Variants in MLLT10 observed in about 807,000 individuals in gnomAD.
The protein encoded by MLLT10 is MLLT10 histone lysine methyltransferase DOT1L cofactor.
MLLT10 carries 30 observed loss-of-function variants against 129.1 expected under a neutral mutation model. The ratio of observed to expected loss-of-function variants is 0.23; its 90% CI spans 0.17 to 0.32. The LOEUF (loss-of-function observed/expected upper bound fraction) is 0.32, where lower values mean the gene tolerates loss of function less well. MLLT10 is among the 10% of genes least tolerant of loss of function. The probability of loss-of-function intolerance (pLI) is 1.00; values close to 1 mark genes in which losing one functional copy is unlikely to be tolerated. For synonymous variants in MLLT10, 490 were observed against 446.4 expected (o/e 1.10, Z -1.23); for missense variants, 1,119 against 1,268.3 (o/e 0.88, Z 1.79).
intron 16 of MLLT10, among the ~76,000 whole-genome samples, chr10:21,730,653 C>G (rs1478769095): frequency 6.6e-6 from 1 of 151,998 alleles, no homozygotes; most frequent in Non-Finnish European, 1.5e-5. Context: ...TTTATATTTT[C>G]TAGTGGTTTT....
At chr10:21,665,809 A>C (rs1007255549) in intron 9 of MLLT10, among the ~76,000 whole-genome samples, 4 of 151,774 alleles carry the variant, frequency 2.6e-5, no homozygotes, top group African/African-American at 9.7e-5. Context: ...GCTCACGGCA[A>C]CCTCTGCCTC....
chr10:21,664,828 T>C (rs2050588576), intron 9 of MLLT10, among the ~76,000 whole-genome samples: 1 of 152,170 alleles, frequency 6.6e-6, no homozygotes, highest in Admixed American at 6.5e-5. Context: ...ATCTACTGGC[T>C]GATATTAATA....
At chr10:21,715,600 T>C (rs367723946) in intron 14 of MLLT10, among the ~76,000 whole-genome samples, 15 of 152,256 alleles carry the variant, frequency 9.9e-5, no homozygotes, top group African/African-American at 3.6e-4. Flanking sequence ...TTTCTGTCTT[T>C]ATAAAAGTCT....
chr10:21,682,331 A>C, intron 13 of MLLT10, 74 bp downstream of exon 13: 1 of 1,360,652 alleles, frequency 7.3e-7, no homozygotes. Flanking sequence ...TCTCGATTGA[A>C]AGCTAGCATG....
intron 8 of MLLT10, among the ~76,000 whole-genome samples, chr10:21,646,878 C>A (rs531643139): frequency 7.0e-6 from 1 of 142,066 alleles, no homozygotes; most frequent in Non-Finnish European, 1.5e-5. Context: ...TTTTCTGAGA[C>A]GGAGTCTCGC....
At chr10:21,599,462 G>T (rs1474241883) in intron 5 of MLLT10, among the ~76,000 whole-genome samples, 2 of 152,082 alleles carry the variant, frequency 1.3e-5, no homozygotes, top group African/African-American at 4.8e-5. Flanking sequence ...TATGCTCATG[G>T]TAACTTCTCC....
chr10:21,577,967 C>T (rs1299365724), intron 3 of MLLT10, among the ~76,000 whole-genome samples: 1 of 152,026 alleles, frequency 6.6e-6, no homozygotes, highest in African/African-American at 2.4e-5. Context: ...GATATCTTGG[C>T]TCACGGCAAC....
At chr10:21,732,616 G>A (rs2058057416) in intron 17 of MLLT10, among the ~76,000 whole-genome samples, 1 of 152,122 alleles carries the variant, frequency 6.6e-6, no homozygotes, top group South Asian at 2.1e-4. Flanking sequence ...CATTGAGAAT[G>A]GAAAATTACC....
intron 3 of MLLT10, among the ~76,000 whole-genome samples, chr10:21,565,373 T>C (rs1203659903): frequency 6.6e-6 from 1 of 152,202 alleles, no homozygotes; most frequent in Admixed American, 6.6e-5. Context: ...AGTGGTGTCA[T>C]CTTGGTTCAC....
intron 14 of MLLT10, among the ~76,000 whole-genome samples, chr10:21,715,805 G>GA (rs2056507067): frequency 6.6e-6 from 1 of 152,168 alleles, no homozygotes; most frequent in African/African-American, 2.4e-5. Context: ...AGTAACCCAG[G>GA]ATTCAGTTCA....
chr10:21,595,164 G>A (rs1218765039), intron 4 of MLLT10, among the ~76,000 whole-genome samples, 167 bp from the exon 5 acceptor site: 1 of 151,982 alleles, frequency 6.6e-6, no homozygotes, highest in South Asian at 2.1e-4. Context: ...TTTTGGTAGT[G>A]GTTTGAGTAT....
intron 8 of MLLT10, among the ~76,000 whole-genome samples, chr10:21,649,904 G>T (rs1483693811): frequency 1.3e-5 from 2 of 152,202 alleles, no homozygotes; most frequent in African/African-American, 4.8e-5. Flanking sequence ...ATAACCCGTT[G>T]CAGAGAATAT....
At chr10:21,625,709 T>C in intron 8 of MLLT10, 2 of 767,870 alleles carry the variant, frequency 2.6e-6, no homozygotes, top group Non-Finnish European at 4.9e-6. Context: ...AAAAGTCTGT[T>C]GTTTGCCACA....
intron 3 of MLLT10, among the ~76,000 whole-genome samples, chr10:21,566,843 C>T (rs1445805958): frequency 3.3e-5 from 5 of 150,320 alleles, no homozygotes; most frequent in African/African-American, 2.5e-5. Context: ...TACGAAGTTT[C>T]GCTCTTGTTG....
chr10:21,696,193 TA>T (rs1256449698), intron 13 of MLLT10, among the ~76,000 whole-genome samples: 4 of 152,094 alleles, frequency 2.6e-5, no homozygotes, highest in African/African-American at 9.6e-5. Flanking sequence ...AGTATGTATT[TA>T]TTTTTTTGAT....
At position 21,649,754 on chromosome 10, in the gene MLLT10, A is replaced by T. The variant is rs557957409; in HGVS notation, c.700-1919A>T. 2.0e-5 allele frequency among the ~76,000 whole-genome samples: 3 copies of T among 152,312 alleles called. No homozygotes were observed. The South Asian group carries it at 6.2e-4, about 32-fold the overall frequency. ...AACTGAGGTGGCAGAGGTGGAAGCCATGAAGACTTCTTAAACCTCCAGGTT... is the reference window on the plus strand; with the variant it reads ...AACTGAGGTGGCAGAGGTGGAAGCCTTGAAGACTTCTTAAACCTCCAGGTT... On this transcript the variant is annotated intron_variant, in intron 8 of 22. Coordinates refer to ENST00000307729, the MANE Select transcript of MLLT10 (RefSeq NM_001195626.3).
At chr10:21,675,035 G>C (rs1228865355) in intron 11 of MLLT10, among the ~76,000 whole-genome samples, 2 of 152,180 alleles carry the variant, frequency 1.3e-5, no homozygotes, top group Admixed American at 1.3e-4. Flanking sequence ...GTAAAGGTCA[G>C]ATGTGAGAAA....
At chr10:21,582,861 A>T (rs1449897057) in intron 3 of MLLT10, among the ~76,000 whole-genome samples, 7 of 152,244 alleles carry the variant, frequency 4.6e-5, no homozygotes, top group Admixed American at 4.6e-4. Context: ...TTTTGTCATA[A>T]ATTGTGGAGC....
intron 2 of MLLT10, among the ~76,000 whole-genome samples, chr10:21,538,475 AT>A (rs34382354): frequency 4.8e-4 from 70 of 146,366 alleles, no homozygotes; most frequent in African/African-American, 1.2e-3. Context: ...ATTAAAAAAA[AT>A]TTTTTTTTTT....
Sources: gnomAD v4.1 joint callset for allele counts (sites outside exome capture counted in the v4.1 genomes callset) on GRCh38, gnomAD v4.1.1 for gene constraint, MANE v1.5 for transcripts, NCBI Gene and HGNC (gene_info 2026-07-23, HGNC 2026-07-21) for gene names.